OGDHL: variants seen among roughly 807,000 people sequenced by gnomAD.
OGDHL encodes 2-oxoglutarate dehydrogenase-like, mitochondrial.
Under a neutral mutation model 109.6 loss-of-function variants are expected in OGDHL, and 79 were observed. The observed-to-expected ratio is 0.72, with a 90% CI of 0.60 to 0.87. OGDHL has a LOEUF of 0.87. Ranked by LOEUF, OGDHL falls within the 40% of genes least tolerant of loss-of-function variation. OGDHL has a pLI of 0.00. For missense variants in OGDHL, 1,275 were observed against 1,362.2 expected (o/e 0.94, Z 1.01); for synonymous variants, 528 against 537.2 (o/e 0.98, Z 0.24).
intron 1 of OGDHL, among the ~76,000 whole-genome samples, chr10:49,759,881 A>G (rs1843162502): frequency 6.6e-6 from 1 of 152,182 alleles, no homozygotes; most frequent in African/African-American, 2.4e-5. Context: ...ATTCTGGGGT[A>G]TAACTGGCTT....
In OGDHL at chr10:49,745,788, C is replaced by G; in HGVS notation, c.1476+10G>C. ...CCCACCCATGCCTTGGCCTCAGTCC[C>G]CAGACCCACCAGGTCCACGACAACA... is the stretch of plus-strand genomic sequence containing the variant. On this transcript the variant is annotated intron_variant, in intron 11 of 22. Transcript: ENST00000374103. The G allele has an allele frequency of 6.2e-7, 1 of 1,613,242 alleles. No individual in the cohort carries two copies. The highest frequency in any genetic ancestry group is 8.5e-7 in the Non-Finnish European group (1 of 1,179,332).
rs1271206295 is a variant in OGDHL at position 49,744,139 on chromosome 10, C to T, written c.1733-17G>A. On this transcript the variant is annotated splice_polypyrimidine_tract_variant and intron_variant, in intron 13 of 22. Coordinates refer to ENST00000374103, the MANE Select transcript of OGDHL (RefSeq NM_018245.3). The stretch of plus-strand genomic sequence containing the variant: ...TGAAGAAGCCTGAGAGGGAGAGAGG[C>T]TCTGTCCACACTGTGTCAGTGGTGG... 6.2e-7 allele frequency: 1 copy of T among 1,612,496 alleles called. No homozygotes were observed. Among genetic ancestry groups the T allele is most frequent in the African/African-American group, 1.3e-5 (1 of 74,916 alleles).
chr10:49,754,648 T>C (rs1842809308), intron 3 of OGDHL, among the ~76,000 whole-genome samples: 1 of 149,158 alleles, frequency 6.7e-6, no homozygotes, highest in Non-Finnish European at 1.5e-5. Context: ...TCAAGTGCCA[T>C]CACCATCACC....
Position 49,756,840 on chromosome 10 carries a change from C to A in OGDHL, c.311G>T (p.Arg104Leu). The A allele has an allele frequency of 6.2e-7, 1 of 1,614,054 alleles. No homozygotes were observed. Among genetic ancestry groups the A allele is most frequent in the Non-Finnish European group, 8.5e-7 (1 of 1,179,972 alleles). The part of the protein sequence containing the change: ...VHESRSAVSS[R>L]TKTSKLVEDH... ...CTCCACCAATTTGCTGGTCTTGGTC[C>A]GACTTGAGACTGCAGACCTGCTCTC... is the stretch of plus-strand genomic sequence containing the variant. The change falls in exon 3 of 23, where the codon CGG (arginine) becomes CTG (leucine). Residue 104 changes from arginine to leucine, a missense_variant. Transcript: ENST00000374103.
Position 49,744,111 on chromosome 10 carries a change from C to T in OGDHL, c.1744G>A (p.Val582Ile), listed in dbSNP as rs140378215. ...GTCATGCTCTTGGGCTCCCCATCTA[C>T]GTTGAAGAAGCCTGAGAGGGAGAGA... ...LDSPWPGFFN[V>I]DGEPKSMTCP... The change falls in exon 14 of 23, where the codon GTA becomes ATA. Residue 582 changes from valine (V) to isoleucine (I), a missense_variant. Coordinates refer to ENST00000374103, the MANE Select transcript of OGDHL (RefSeq NM_018245.3). The T allele has an allele frequency of 7.1e-5, 114 of 1,613,900 alleles. 1 individual carries two copies. The South Asian group carries it at 7.5e-4, about 11-fold the overall frequency.
chr10:49,739,875 G>T (rs761790326), intron 16 of OGDHL, 36 bp from the exon 17 acceptor site: 15 of 1,584,448 alleles, frequency 9.5e-6, no homozygotes, highest in Non-Finnish European at 1.2e-5. Context: ...GCTGCACACA[G>T]TCACCAAGTG....
In OGDHL at chr10:49,746,831, G is replaced by A. The variant is rs41309395; in HGVS notation, c.1215C>T (p.Gly405=). Residue 405 remains glycine (G), a synonymous_variant, in exon 10 of 23, where the codon GGC becomes GGT. Coordinates refer to ENST00000374103, the MANE Select transcript of OGDHL (RefSeq NM_018245.3). ...TCAGGTGGAAGGTCTCATATACCACGCCCTGGCCAGCAAAGGCGGCGTCCC... is the reference window on the plus strand; with the variant it reads ...TCAGGTGGAAGGTCTCATATACCACACCCTGGCCAGCAAAGGCGGCGTCCC... ...VHGDAAFAGQ[G]VVYETFHLSD... 1.1e-5 allele frequency: 18 copies of A among 1,614,054 alleles called. No individual in the cohort carries two copies. Among genetic ancestry groups the A allele is most frequent in the East Asian group, 6.7e-5 (3 of 44,862 alleles).
rs569610281 is a variant in OGDHL, at chr10:49,743,433, C to T, written c.1862-455G>A. ...TGTAAGGGAACCCCCTCAGAACTCC[C>T]CCAGGTGGGTCAGAGGGTGTGTAGG... On this transcript the variant is annotated intron_variant, in intron 14 of 22. Coordinates refer to ENST00000374103, the MANE Select transcript of OGDHL (RefSeq NM_018245.3). 8 of 179,336 alleles carry T rather than the reference C, an allele frequency of 4.5e-5. No homozygotes were observed. The East Asian group carries it at 1.2e-3, about 27-fold the overall frequency. 11.1% of individuals were successfully genotyped at this position (179,336 alleles called of 1,614,324 possible). A position where few individuals can be genotyped will look rare whatever the true frequency, so the allele number is the denominator to read the frequency against.
intron 1 of OGDHL, among the ~76,000 whole-genome samples, chr10:49,761,012 T>C (rs577448640): frequency 1.3e-5 from 2 of 152,322 alleles, no homozygotes; most frequent in African/African-American, 2.4e-5. Context: ...CTGGGCACTG[T>C]TGTGACCTTG....
chr10:49,735,305 T>A lies in OGDHL; in HGVS notation c.2956A>T (p.Asn986Tyr), dbSNP rs1270958410. Reference sequence around the variant, plus strand: ...TTCTTCAGTGACACCAGGTGAGTGTTCCTGTTTCCTGTGGCTGGTGCAGCC... The same window carrying A: ...TTCTTCAGTGACACCAGGTGAGTGTACCTGTTTCCTGTGGCTGGTGCAGCC... ...PAAAPATGNRNTHLVSLKKFL... is the reference protein window; with the variant it reads ...PAAAPATGNRYTHLVSLKKFL... Residue 986 changes from asparagine (N) to tyrosine (Y), a missense_variant, in exon 23 of 23, where the codon AAC (asparagine) becomes TAC (tyrosine). Physicochemically the swap from Asn to Tyr is moderately radical, Grantham distance 143. Coordinates refer to ENST00000374103, the MANE Select transcript of OGDHL (RefSeq NM_018245.3). 1.9e-5 allele frequency: 31 copies of A among 1,613,956 alleles called. No individual in the cohort carries two copies. Among genetic ancestry groups the A allele is most frequent in the Non-Finnish European group, 2.4e-5 (28 of 1,180,012 alleles).
At chr10:49,741,732 CACAT>C (rs1015741834) in intron 15 of OGDHL, among the ~76,000 whole-genome samples, 211 of 148,894 alleles carry the variant, frequency 1.4e-3, no homozygotes, top group African/African-American at 5.0e-3. Context: ...ACACACCACA[CACAT>C]ACATACACAC....
At chr10:49,736,722 G>A (rs955123330) in intron 20 of OGDHL, among the ~76,000 whole-genome samples, 2 of 152,202 alleles carry the variant, frequency 1.3e-5, no homozygotes. Context: ...GAGAGGGGTG[G>A]AGACACCCAA....
intron 9 of OGDHL, 32 bp from the exon 10 acceptor site, chr10:49,746,910 C>A: frequency 6.2e-7 from 1 of 1,613,482 alleles, no homozygotes. Flanking sequence ...GGAGGGGCTG[C>A]GTGCCCCAGC....
intron 15 of OGDHL, among the ~76,000 whole-genome samples, 158 bp downstream of exon 15, chr10:49,742,670 G>A (rs919844291): frequency 1.2e-4 from 18 of 152,030 alleles, no homozygotes; most frequent in African/African-American, 4.1e-4. Flanking sequence ...CTTGCCCTGG[G>A]GGGTCAGCGA....
At position 49,739,795 on chromosome 10, in the gene OGDHL, G is replaced by A. The variant is rs778419863; in HGVS notation, c.2185C>T (p.Leu729Phe). ...YAMASPNALV[L>F]WEAQFGDFHN... Reference sequence around the variant, plus strand: ...AAGTCCCCAAACTGGGCCTCCCAGAGGACCAGGGCATTGGGGCTGGCCATG... The same window carrying A: ...AAGTCCCCAAACTGGGCCTCCCAGAAGACCAGGGCATTGGGGCTGGCCATG... The change falls in exon 17 of 23, where the codon CTC becomes TTC. Residue 729 changes from leucine to phenylalanine, a missense_variant. Physicochemically the swap from Leu to Phe is conservative, Grantham distance 22 (BLOSUM62 0). Transcript: ENST00000374103. 1.2e-6 allele frequency: 2 copies of A among 1,614,164 alleles called. No homozygotes were observed.
At chr10:49,754,820 G>A (rs908428764) in intron 3 of OGDHL, among the ~76,000 whole-genome samples, 1 of 152,146 alleles carries the variant, frequency 6.6e-6, no homozygotes, top group Admixed American at 6.5e-5. Flanking sequence ...AACCCTACAG[G>A]ACAAACCACC....
intron 8 of OGDHL, 28 bp from the exon 9 acceptor site, chr10:49,747,236 A>G: frequency 1.2e-6 from 2 of 1,607,244 alleles, no homozygotes; most frequent in Non-Finnish European, 1.7e-6. Context: ...AACATGATGG[A>G]TCCTCCCCTC....
intron 4 of OGDHL, 99 bp from the exon 5 acceptor site, chr10:49,752,347 C>T: frequency 2.2e-6 from 2 of 899,214 alleles, no homozygotes; most frequent in Admixed American, 2.0e-5. Flanking sequence ...TCCCAGTCTC[C>T]CCAGTGCCCT....
At chr10:49,749,859 G>T in intron 7 of OGDHL, 43 bp from the exon 8 acceptor site, 2 of 1,525,264 alleles carry the variant, frequency 1.3e-6, no homozygotes, top group Non-Finnish European at 1.8e-6. Context: ...AAAGCCCGCA[G>T]GCCTCAGGGT....
Sources: allele counts gnomAD v4.1 joint callset (sites outside exome capture counted in the v4.1 genomes callset), GRCh38; gene constraint gnomAD v4.1.1; transcripts MANE v1.5; gene names NCBI Gene and HGNC (gene_info 2026-07-23, HGNC 2026-07-21).